The following MTUS2 variants were observed in gnomAD, a reference collection of about 807,000 sequenced individuals.
The protein encoded by MTUS2 is microtubule associated scaffold protein 2, also known as microtubule-associated tumor suppressor candidate 2.
In MTUS2, 40 loss-of-function variants were observed where a neutral mutation model predicts 114.1. The observed-to-expected ratio is 0.35, with a 90% CI of 0.27 to 0.46. The LOEUF (loss-of-function observed/expected upper bound fraction) is 0.46. Ranked by LOEUF, MTUS2 falls within the 20% of genes least tolerant of loss-of-function variation. The pLI is 1.00. For missense variants in MTUS2, 1,679 were observed against 1,705.4 expected, an observed-to-expected ratio of 0.98 and a Z score of 0.27; for synonymous variants, 688 against 672.0, an observed-to-expected ratio of 1.02 and a Z score of -0.37.
At chr13:29,361,973 G>A (rs979008185) in intron 8 of MTUS2, among the ~76,000 whole-genome samples, 21 of 152,170 alleles carry the variant, frequency 1.4e-4, no homozygotes, top group African/African-American at 5.1e-4. Context: ...CCAGTGGTGA[G>A]ACCTTGAGCA....
chr13:29,271,062 A>G (rs1213394539), intron 5 of MTUS2, among the ~76,000 whole-genome samples: 2 of 152,250 alleles, frequency 1.3e-5, no homozygotes, highest in Non-Finnish European at 2.9e-5. Flanking sequence ...CTTTATTTCA[A>G]ATTCTTCTGG....
chr13:29,362,814 C>T (rs1437833070), intron 8 of MTUS2, among the ~76,000 whole-genome samples: 1 of 152,198 alleles, frequency 6.6e-6, no homozygotes, highest in Non-Finnish European at 1.5e-5. Context: ...AGCCTCACCA[C>T]TAGAGAAAAA....
chr13:29,335,573 G>A lies in MTUS2; in HGVS notation c.2905+10862G>A, dbSNP rs1365500805. On this transcript the variant is annotated intron_variant, in intron 7 of 15. Transcript: ENST00000612955. ...AACTTGCTGGTTTTGCGGCTTGGGG[G>A]GCATCATGGAACCTGCCAACATGTG... Among the ~76,000 whole-genome samples, 8 of 152,158 alleles carry A rather than the reference G, an allele frequency of 5.3e-5. No individual in the cohort carries two copies. In the East Asian group the frequency reaches 1.5e-3, roughly 29 times the overall value.
chr13:29,180,044 CT>C (rs1353960706), intron 5 of MTUS2, among the ~76,000 whole-genome samples: 1 of 152,210 alleles, frequency 6.6e-6, no homozygotes, highest in Non-Finnish European at 1.5e-5. Flanking sequence ...TGGTTAACTA[CT>C]TTGTCTTTGG....
At chr13:28,983,306 C>T (rs1406967078) in intron 2 of MTUS2, among the ~76,000 whole-genome samples, 6 of 152,190 alleles carry the variant, frequency 3.9e-5, no homozygotes, top group Admixed American at 6.5e-5. Context: ...CATTGTCATT[C>T]ACTTACAGTG....
intron 7 of MTUS2, among the ~76,000 whole-genome samples, chr13:29,344,241 T>TG (rs35177320): frequency 0.81 from 122,815 of 151,662 alleles, 50,624 homozygotes; most frequent in East Asian, 0.9. Flanking sequence ...GTGCTGTCAG[T>TG]GGGTACTGAA....
chr13:29,230,527 T>C (rs971197596), intron 5 of MTUS2, among the ~76,000 whole-genome samples: 19 of 152,368 alleles, frequency 1.2e-4, no homozygotes, highest in Non-Finnish European at 2.6e-4. Flanking sequence ...GCTGCTGTTA[T>C]TGCTCTCTAA....
chr13:28,829,945 G>A (rs1874548774), intron 1 of MTUS2, among the ~76,000 whole-genome samples: 1 of 152,146 alleles, frequency 6.6e-6, no homozygotes, highest in Non-Finnish European at 1.5e-5. Flanking sequence ...CTTTGCATAA[G>A]TAAAGTAGGA....
chr13:29,123,611 G>A (rs1891399174), intron 5 of MTUS2, among the ~76,000 whole-genome samples: 1 of 152,094 alleles, frequency 6.6e-6, no homozygotes, highest in South Asian at 2.1e-4. Flanking sequence ...CTGCTACTCA[G>A]GAGGCTGAGG....
chr13:28,937,867 A>G (rs1457155039), intron 2 of MTUS2, among the ~76,000 whole-genome samples: 1 of 152,094 alleles, frequency 6.6e-6, no homozygotes, highest in Non-Finnish European at 1.5e-5. Context: ...AAAGACTTGA[A>G]GAAGGAAGAC....
At chr13:29,230,217 G>A (rs1896272043) in intron 5 of MTUS2, among the ~76,000 whole-genome samples, 1 of 152,170 alleles carries the variant, frequency 6.6e-6, no homozygotes, top group African/African-American at 2.4e-5. Flanking sequence ...CTGCGCCCCA[G>A]CCTGGGAGAC....
chr13:29,181,852 A>G (rs138223676), intron 5 of MTUS2, among the ~76,000 whole-genome samples: 1 of 151,506 alleles, frequency 6.6e-6, no homozygotes, highest in East Asian at 1.9e-4. Context: ...GACATTTTTG[A>G]TAAACATTTT....
intron 2 of MTUS2, among the ~76,000 whole-genome samples, chr13:29,008,605 C>G (rs4769659): frequency 0.48 from 73,086 of 151,980 alleles, 17,915 homozygotes; most frequent in South Asian, 0.73. Flanking sequence ...TCTGTATTCA[C>G]CCTTGATTTG....
At chr13:29,269,224 T>C (rs1897785398) in intron 5 of MTUS2, among the ~76,000 whole-genome samples, 1 of 151,964 alleles carries the variant, frequency 6.6e-6, no homozygotes, top group African/African-American at 2.4e-5. Flanking sequence ...TAACTCAATC[T>C]CTTCCTGGAG....
chr13:29,127,815 G>C (rs998135274), intron 5 of MTUS2, among the ~76,000 whole-genome samples: 1 of 152,216 alleles, frequency 6.6e-6, no homozygotes, highest in Non-Finnish European at 1.5e-5. Flanking sequence ...CCATAGCTTA[G>C]TTAATATTGA....
At chr13:29,368,174 G>A (rs1292335468) in intron 8 of MTUS2, among the ~76,000 whole-genome samples, 3 of 151,602 alleles carry the variant, frequency 2.0e-5, no homozygotes, top group South Asian at 2.1e-4. Context: ...TCCTGACCTC[G>A]TGATCTGCCC....
At chr13:29,205,570 T>C (rs1395758391) in intron 5 of MTUS2, among the ~76,000 whole-genome samples, 1 of 152,160 alleles carries the variant, frequency 6.6e-6, no homozygotes, top group East Asian at 1.9e-4. Context: ...TTCCCACCCA[T>C]TCCCCAAAGT....
intron 5 of MTUS2, among the ~76,000 whole-genome samples, chr13:29,105,734 A>C (rs1055532875): frequency 2.7e-5 from 4 of 150,922 alleles, no homozygotes; most frequent in Non-Finnish European, 5.9e-5. Context: ...AGAGAGGCTG[A>C]CGTTCGCATA....
chr13:28,985,681 C>T (rs1387193123), intron 2 of MTUS2, among the ~76,000 whole-genome samples: 15 of 151,864 alleles, frequency 9.9e-5, no homozygotes, highest in Admixed American at 7.2e-4. Context: ...GCCTAGGCCA[C>T]GATGCCCGGA....
Sources: gnomAD v4.1 joint callset for allele counts (sites outside exome capture counted in the v4.1 genomes callset) on GRCh38, gnomAD v4.1.1 for gene constraint, MANE v1.5 for transcripts, NCBI Gene and HGNC (gene_info 2026-07-23, HGNC 2026-07-21) for gene names.